Variants in CTNND2 observed in about 807,000 individuals in gnomAD.
CTNND2 encodes catenin delta 2.
A neutral mutation model predicts 144.4 loss-of-function variants in CTNND2; 22 were observed. That is an observed-to-expected ratio of 0.15 (90% CI 0.11 to 0.22). CTNND2 has a LOEUF of 0.22. Ranked by LOEUF, CTNND2 falls within the 10% of genes least tolerant of loss-of-function variation. The pLI, the probability that CTNND2 is intolerant of heterozygous loss-of-function variation, is 1.00. For missense variants in CTNND2, 1,353 were observed against 1,618.8 expected, an observed-to-expected ratio of 0.84 and a Z score of 2.82; for synonymous variants, 751 against 695.6, an observed-to-expected ratio of 1.08 and a Z score of -1.25.
chr5:11,187,058 A>G (rs1042165540), intron 11 of CTNND2, among the ~76,000 whole-genome samples: 2 of 152,226 alleles, frequency 1.3e-5, no homozygotes, highest in Non-Finnish European at 2.9e-5. Context: ...GGTTAGGCAC[A>G]TTGGACAACA....
chr5:11,783,389 A>G (rs1324688334), intron 1 of CTNND2, among the ~76,000 whole-genome samples: 1 of 151,630 alleles, frequency 6.6e-6, no homozygotes, highest in Non-Finnish European at 1.5e-5. Context: ...TCTGCACCCT[A>G]CTCTCAGGAA....
intron 3 of CTNND2, among the ~76,000 whole-genome samples, chr5:11,472,746 G>A (rs988246525): frequency 6.6e-6 from 1 of 152,128 alleles, no homozygotes; most frequent in Non-Finnish European, 1.5e-5. Flanking sequence ...TTATATTGCA[G>A]TATATTTTCT....
At chr5:11,117,879 A>T (rs937216837) in intron 12 of CTNND2, among the ~76,000 whole-genome samples, 16 of 152,192 alleles carry the variant, frequency 1.1e-4, no homozygotes, top group African/African-American at 3.6e-4. Flanking sequence ...CTCCATGTAC[A>T]ATCAGAAGCT....
intron 9 of CTNND2, among the ~76,000 whole-genome samples, chr5:11,334,282 T>C (rs1753511200): frequency 6.6e-6 from 1 of 152,210 alleles, no homozygotes; most frequent in South Asian, 2.1e-4. Flanking sequence ...TGATGTACTA[T>C]ATATGTATAG....
intron 3 of CTNND2, among the ~76,000 whole-genome samples, chr5:11,443,350 T>TG (rs142116601): frequency 0.027 from 1,181 of 44,180 alleles, 111 homozygotes; most frequent in African/African-American, 0.12. Context: ...GGGGAGTGTG[T>TG]GGGAGGGTGT....
chr5:11,181,789 TGTGTGGTGTGTGTGTGGTGAATGC>T (rs1381437456), intron 11 of CTNND2, among the ~76,000 whole-genome samples: 7 of 146,282 alleles, frequency 4.8e-5, no homozygotes, highest in African/African-American at 1.3e-4. Flanking sequence ...TGTGTGTGTC[TGTGTGGTGTGTGTGTGGTGAATGC>T]GTGTGGTGTG....
At chr5:11,137,058 C>T (rs1756227794) in intron 12 of CTNND2, among the ~76,000 whole-genome samples, 1 of 152,230 alleles carries the variant, frequency 6.6e-6, no homozygotes, top group Admixed American at 6.5e-5. Flanking sequence ...CATATATCAC[C>T]AGCAGCTAGT....
At chr5:11,619,498 G>A (rs1234872927) in intron 2 of CTNND2, among the ~76,000 whole-genome samples, 1 of 152,118 alleles carries the variant, frequency 6.6e-6, no homozygotes, top group Non-Finnish European at 1.5e-5. Flanking sequence ...TGAGAGTACA[G>A]TTGATATGTA....
In CTNND2 at chr5:11,046,878, C is replaced by A. The variant is rs191720137; in HGVS notation, c.2789-23899G>T. Reference sequence around the variant, plus strand: ...CAACAACAAAAAAACAGGCTTCAAGCTCCCTGGAGTTAACAAAGCACAGAG... The same window carrying A: ...CAACAACAAAAAAACAGGCTTCAAGATCCCTGGAGTTAACAAAGCACAGAG... On this transcript the variant is annotated intron_variant, in intron 16 of 21. Transcript: ENST00000304623. Among the ~76,000 whole-genome samples the A allele has an allele frequency of 7.9e-3, 1,205 of 152,262 alleles. 4 individuals are homozygous for A. Among genetic ancestry groups the A allele is most frequent in the Non-Finnish European group, 0.012 (803 of 68,032 alleles).
intron 3 of CTNND2, among the ~76,000 whole-genome samples, chr5:11,488,276 T>A (rs10068648): frequency 2.6e-5 from 4 of 152,212 alleles, no homozygotes. Flanking sequence ...ATGGATCAGA[T>A]GTATTATGAA....
intron 2 of CTNND2, among the ~76,000 whole-genome samples, chr5:11,688,023 T>C (rs2126641862): frequency 6.6e-6 from 1 of 152,190 alleles, no homozygotes; most frequent in South Asian, 2.1e-4. Flanking sequence ...TGGAACCGAA[T>C]TTTGCCTGGG....
At chr5:11,524,911 A>G (rs1773089936) in intron 3 of CTNND2, among the ~76,000 whole-genome samples, 1 of 152,180 alleles carries the variant, frequency 6.6e-6, no homozygotes, top group African/African-American at 2.4e-5. Flanking sequence ...CAAACATAGC[A>G]TATAAAAATA....
At chr5:11,213,222 T>C (rs906865273) in intron 10 of CTNND2, among the ~76,000 whole-genome samples, 1 of 152,056 alleles carries the variant, frequency 6.6e-6, no homozygotes, top group Non-Finnish European at 1.5e-5. Context: ...TGTGTTTCTG[T>C]GTTTAGCTCG....
chr5:11,727,072 C>A lies in CTNND2; in HGVS notation c.174+5064G>T, dbSNP rs146530744. Among the ~76,000 whole-genome samples, 26 of 152,212 alleles carry A rather than the reference C, an allele frequency of 1.7e-4. No homozygotes were observed. The East Asian group carries it at 4.6e-3, about 27-fold the overall frequency. ...TAACTGGAACTCCCAGCACACATTC[C>A]CAAGACTTGAATAAGTAGTTTATGA... On this transcript the variant is annotated intron_variant, in intron 2 of 21. Transcript: ENST00000304623.
chr5:11,624,429 G>T (rs1781046633), intron 2 of CTNND2, among the ~76,000 whole-genome samples: 1 of 152,170 alleles, frequency 6.6e-6, no homozygotes, highest in South Asian at 2.1e-4. Flanking sequence ...GAATAACCTT[G>T]CTGTTTTCAT....
chr5:11,616,354 T>C (rs1010250408), intron 2 of CTNND2, among the ~76,000 whole-genome samples: 16 of 152,230 alleles, frequency 1.1e-4, no homozygotes, highest in African/African-American at 3.9e-4. Flanking sequence ...AAAGAGTTTC[T>C]ATCATTCCCA....
intron 8 of CTNND2, among the ~76,000 whole-genome samples, chr5:11,363,728 C>A (rs578067851): frequency 4.1e-4 from 63 of 152,286 alleles, no homozygotes; most frequent in African/African-American, 1.5e-3. Context: ...TAATTTAGCA[C>A]CATAAGGCAG....
At chr5:11,269,107 G>T (rs755063173) in intron 9 of CTNND2, among the ~76,000 whole-genome samples, 8 of 152,212 alleles carry the variant, frequency 5.3e-5, no homozygotes, top group Non-Finnish European at 1.0e-4. Flanking sequence ...CTTACTGACT[G>T]TGAGACTGTG....
At chr5:11,325,864 C>T (rs1752473978) in intron 9 of CTNND2, among the ~76,000 whole-genome samples, 1 of 152,180 alleles carries the variant, frequency 6.6e-6, no homozygotes. Flanking sequence ...ACATAGGAGA[C>T]CACTGGCCAT....
Sources: allele counts gnomAD v4.1 joint callset (sites outside exome capture counted in the v4.1 genomes callset), GRCh38; gene constraint gnomAD v4.1.1; transcripts MANE v1.5; gene names NCBI Gene and HGNC (gene_info 2026-07-23, HGNC 2026-07-21).